The following GSK3B variants were observed in gnomAD, a reference collection of about 807,000 sequenced individuals.
GSK3B encodes the protein glycogen synthase kinase 3 beta.
Under a neutral mutation model 56.4 loss-of-function variants are expected in GSK3B, and 15 were observed. The observed-to-expected ratio is 0.27, with a 90% CI of 0.18 to 0.41. The LOEUF (loss-of-function observed/expected upper bound fraction) is 0.41, where lower values mean the gene tolerates loss of function less well. GSK3B is among the 10% of genes least tolerant of loss of function. GSK3B has a pLI of 1.00. For missense variants in GSK3B, 300 were observed against 513.4 expected (o/e 0.58, Z 4.02); for synonymous variants, 181 against 188.9 (o/e 0.96, Z 0.34).
In GSK3B at chr3:119,951,850, T is replaced by C. The variant is rs139001561; in HGVS notation, c.283-4499A>G. Among the ~76,000 whole-genome samples, 366 of 151,674 alleles carry C rather than the reference T, an allele frequency of 2.4e-3. 1 individual carries two copies. Among genetic ancestry groups the C allele is most frequent in the African/African-American group, 8.5e-3 (352 of 41,368 alleles). ...AATTGCACAACACAGAGAATCTCAA[T>C]AAAGAAATGCTAACTTTTAAAACAT... On this transcript the variant is annotated intron_variant, in intron 2 of 10. Transcript: ENST00000264235.
chr3:119,957,579 T>G (rs1003874549), intron 2 of GSK3B, among the ~76,000 whole-genome samples: 3 of 152,142 alleles, frequency 2.0e-5, no homozygotes, highest in African/African-American at 4.8e-5. Context: ...CAACAGCATA[T>G]TATTATTAAC....
chr3:119,877,409 T>C (rs2056326868), intron 7 of GSK3B, among the ~76,000 whole-genome samples: 1 of 152,212 alleles, frequency 6.6e-6, no homozygotes. Flanking sequence ...GTTATTATAA[T>C]ACTTAACATA....
At chr3:120,023,623 G>T (rs1466362291) in intron 1 of GSK3B, among the ~76,000 whole-genome samples, 2 of 152,020 alleles carry the variant, frequency 1.3e-5, no homozygotes, top group Non-Finnish European at 2.9e-5. Flanking sequence ...TAATCAAGAA[G>T]AAAAATACCA....
Position 119,995,249 on chromosome 3 carries a change from G to A in GSK3B, c.282+6797C>T, listed in dbSNP as rs890381166. ...CTTGGGAGGCTGAGGTAGGAGAATC[G>A]CTAAAGCCTAGGAGTTGAAGGCTGC... On this transcript the variant is annotated intron_variant, in intron 2 of 10. Coordinates refer to ENST00000264235, the MANE Select transcript of GSK3B (RefSeq NM_001146156.2). Among the ~76,000 whole-genome samples the A allele has an allele frequency of 1.1e-4, 16 of 151,750 alleles. No individual in the cohort carries two copies. In the East Asian group the frequency reaches 2.1e-3, roughly 20 times the overall value.
At chr3:119,878,963 T>A (rs1484371133) in intron 7 of GSK3B, among the ~76,000 whole-genome samples, 2 of 152,224 alleles carry the variant, frequency 1.3e-5, no homozygotes, top group Non-Finnish European at 2.9e-5. Flanking sequence ...TTATGAATGT[T>A]CATTATCTTG....
intron 2 of GSK3B, among the ~76,000 whole-genome samples, chr3:119,967,646 A>G (rs578064453): frequency 1.3e-5 from 2 of 152,300 alleles, no homozygotes; most frequent in Admixed American, 6.5e-5. Context: ...ATAACAAAAG[A>G]ATAGATTTTT....
Position 119,842,977 on chromosome 3 carries a change from G to A in GSK3B, c.1195+278C>T, listed in dbSNP as rs780573168. Reference sequence around the variant, plus strand: ...GTTGCCCAGGCTGGAGTGCAGTGGCGCAATCTCGGCTCAATGCAACCTCCG... The same window carrying A: ...GTTGCCCAGGCTGGAGTGCAGTGGCACAATCTCGGCTCAATGCAACCTCCG... On this transcript the variant is annotated intron_variant, in intron 10 of 10. Transcript: ENST00000264235. Among the ~76,000 whole-genome samples the A allele has an allele frequency of 5.3e-5, 8 of 151,676 alleles. No individual in the cohort carries two copies. The East Asian group carries it at 7.7e-4, about 15-fold the overall frequency.
At chr3:120,060,486 G>A (rs941200173) in intron 1 of GSK3B, among the ~76,000 whole-genome samples, 1 of 152,138 alleles carries the variant, frequency 6.6e-6, no homozygotes, top group Admixed American at 6.5e-5. Flanking sequence ...TCAGCACTTA[G>A]GGAGCCGAGG....
intron 7 of GSK3B, among the ~76,000 whole-genome samples, chr3:119,884,077 T>C (rs1198805783): frequency 6.6e-6 from 1 of 152,078 alleles, no homozygotes; most frequent in Non-Finnish European, 1.5e-5. Flanking sequence ...AGAAGAGTGC[T>C]AAAGATGGGC....
intron 1 of GSK3B, among the ~76,000 whole-genome samples, chr3:120,052,716 T>C (rs762704336): frequency 2.6e-5 from 4 of 152,198 alleles, no homozygotes; most frequent in African/African-American, 4.8e-5. Context: ...TTTTCAAATA[T>C]AGTAACATCT....
intron 2 of GSK3B, among the ~76,000 whole-genome samples, chr3:119,982,848 T>C (rs987662105): frequency 1.3e-5 from 2 of 151,912 alleles, no homozygotes; most frequent in African/African-American, 4.8e-5. Context: ...ATTCAGGAAA[T>C]AGAGAGAACA....
Position 120,002,175 on chromosome 3 carries a change from T to C in GSK3B, c.153A>G (p.Pro51=). 6.2e-7 allele frequency: 1 copy of C among 1,610,732 alleles called. No homozygotes were observed. The highest frequency in any genetic ancestry group is 8.5e-7 in the Non-Finnish European group (1 of 1,178,514). The change falls in exon 2 of 11, where the codon CCA becomes CCG. Residue 51 remains proline, a synonymous_variant. Coordinates refer to ENST00000264235, the MANE Select transcript of GSK3B (RefSeq NM_001146156.2). ...TAGTGTCTGTATAGCTGACTTCTTG[T>C]GGCCTGTCTGGACCCTGCCCAGGAG... ...VATPGQGPDR[P]QEVSYTDTKV...
intron 1 of GSK3B, among the ~76,000 whole-genome samples, chr3:120,083,092 G>A (rs1251613693): frequency 6.6e-6 from 1 of 151,914 alleles, no homozygotes; most frequent in African/African-American, 2.4e-5. Context: ...CTGCAAGGGT[G>A]AGGGTATCTG....
chr3:119,829,051 C>T (rs1027639319), intron 10 of GSK3B, among the ~76,000 whole-genome samples: 3 of 152,186 alleles, frequency 2.0e-5, no homozygotes, highest in African/African-American at 7.2e-5. Flanking sequence ...ACCACCTTTT[C>T]TAACAATCAC....
chr3:119,871,708 C>T (rs1466535802), intron 8 of GSK3B, among the ~76,000 whole-genome samples: 1 of 152,098 alleles, frequency 6.6e-6, no homozygotes, highest in Non-Finnish European at 1.5e-5. Flanking sequence ...AAGGGAGACA[C>T]TAGCAAGAGG....
intron 3 of GSK3B, 55 bp downstream of exon 3, chr3:119,947,213 T>C (rs2057109193): frequency 9.5e-7 from 1 of 1,056,586 alleles, no homozygotes; most frequent in South Asian, 1.3e-5. Flanking sequence ...GATTAATTTC[T>C]AGAAAAATAA....
At chr3:119,907,259 C>G (rs1400548812) in intron 6 of GSK3B, among the ~76,000 whole-genome samples, 1 of 152,012 alleles carries the variant, frequency 6.6e-6, no homozygotes, top group Non-Finnish European at 1.5e-5. Flanking sequence ...ATCTCAGATA[C>G]AAGGCTGAAA....
intron 1 of GSK3B, among the ~76,000 whole-genome samples, chr3:120,064,314 G>A (rs900555664): frequency 6.6e-6 from 1 of 151,664 alleles, no homozygotes; most frequent in African/African-American, 2.4e-5. Flanking sequence ...CCAAAATTTA[G>A]CAAAGTTGCA....
At chr3:119,877,790 G>C (rs1373387141) in intron 7 of GSK3B, among the ~76,000 whole-genome samples, 1 of 152,058 alleles carries the variant, frequency 6.6e-6, no homozygotes, top group Non-Finnish European at 1.5e-5. Flanking sequence ...GCTATACTAG[G>C]TACTGAACAA....
Sources: allele counts gnomAD v4.1 joint callset (sites outside exome capture counted in the v4.1 genomes callset), GRCh38; gene constraint gnomAD v4.1.1; transcripts MANE v1.5; gene names NCBI Gene and HGNC (gene_info 2026-07-23, HGNC 2026-07-21).